The following HECW2 variants were observed in gnomAD, a reference collection of about 807,000 sequenced individuals.
HECW2 encodes HECT, C2 and WW domain containing E3 ubiquitin protein ligase 2.
A neutral mutation model predicts 175.2 loss-of-function variants in HECW2; 61 were observed. That is an observed-to-expected ratio of 0.35 (90% CI 0.28 to 0.43). HECW2 has a LOEUF of 0.43. HECW2 is among the 20% of genes least tolerant of loss of function. HECW2 has a pLI of 1.00. For missense variants in HECW2, 1,524 were observed against 2,000.5 expected, an observed-to-expected ratio of 0.76 and a Z score of 4.54; for synonymous variants, 671 against 731.0, an observed-to-expected ratio of 0.92 and a Z score of 1.32.
chr2:196,412,304 C>T (rs1334004623), intron 2 of HECW2, among the ~76,000 whole-genome samples: 1 of 152,186 alleles, frequency 6.6e-6, no homozygotes, highest in Non-Finnish European at 1.5e-5. Context: ...GTCTTCATGT[C>T]ACATGCTGCT....
Position 196,402,150 on chromosome 2 carries a change from G to A in HECW2, c.292+30982C>T, listed in dbSNP as rs539460323. On this transcript the variant is annotated intron_variant, in intron 2 of 28. Coordinates refer to ENST00000644978, the MANE Select transcript of HECW2 (RefSeq NM_001348768.2). ...TGGGAGGCGGAGCTTGCAGTGAGCC[G>A]AGATGGCACCACTGCACTCCTGCCT... 6.4e-5 allele frequency among the ~76,000 whole-genome samples: 8 copies of A among 125,958 alleles called. No homozygotes were observed. In the East Asian group the frequency reaches 8.2e-4, roughly 13 times the overall value. The allele number at this position is 125,958 out of a possible 152,430, so 82.6% of individuals were successfully genotyped here.
rs1484992981 is a variant in HECW2 at position 196,194,630 on chromosome 2, T to A, written c.*6647A>T. 1 of 152,094 alleles carries A rather than the reference T, an allele frequency of 6.6e-6. No homozygotes were observed. Among genetic ancestry groups the A allele is most frequent in the East Asian group, 1.9e-4 (1 of 5,186 alleles). 9.4% of individuals were successfully genotyped at this position (152,094 alleles called of 1,614,324 possible). A position where few individuals can be genotyped will look rare whatever the true frequency, so the allele number is the denominator to read the frequency against. On this transcript the variant is annotated 3_prime_UTR_variant, in exon 29 of 29. Coordinates refer to ENST00000644978, the MANE Select transcript of HECW2 (RefSeq NM_001348768.2). The stretch of plus-strand genomic sequence containing the variant: ...CCATATAATACCACCCAGAAACCAT[T>A]TCTAGGATGTCAACAATCTGCATTA...
chr2:196,306,529 G>T lies in HECW2; in HGVS notation c.2773C>A (p.Leu925Ile). 1.2e-6 allele frequency: 2 copies of T among 1,612,378 alleles called. No individual in the cohort carries two copies. The highest frequency in any genetic ancestry group is 2.2e-5 in the South Asian group (2 of 90,774). ...ACGGTGAAGAACTCTGGGCTGATGA[G>T]GAACTTCACGGGGGGAGACTGTAAC... ...LLLQSPPVKF[L>I]ISPEFFTVLH... Residue 925 changes from leucine to isoleucine, a missense_variant, in exon 13 of 29, where the codon CTC (leucine) becomes ATC (isoleucine). Transcript: ENST00000644978.
At chr2:196,565,979 C>T (rs1326507714) in intron 1 of HECW2, among the ~76,000 whole-genome samples, 2 of 151,954 alleles carry the variant, frequency 1.3e-5, no homozygotes, top group Admixed American at 6.6e-5. Flanking sequence ...AAAACTTTAT[C>T]GTTTGTTTCC....
chr2:196,421,045 A>G (rs1163050309), intron 2 of HECW2, among the ~76,000 whole-genome samples: 3 of 152,150 alleles, frequency 2.0e-5, no homozygotes, highest in African/African-American at 7.2e-5. Context: ...AATTGAAAGG[A>G]TAAACTTTTA....
chr2:196,440,749 G>C (rs549484809), intron 1 of HECW2, among the ~76,000 whole-genome samples: 1 of 152,088 alleles, frequency 6.6e-6, no homozygotes, highest in African/African-American at 2.4e-5. Flanking sequence ...TAAAGGCGAC[G>C]GCAAGGGAAG....
intron 2 of HECW2, among the ~76,000 whole-genome samples, chr2:196,344,322 G>GAAAAAAAAAAAAAAA (rs60573890): frequency 7.4e-5 from 5 of 67,628 alleles, no homozygotes; most frequent in Non-Finnish European, 1.0e-4. Flanking sequence ...GACAAGATAA[G>GAAAAAAAAAAAAAAA]AAAAAAAAAA....
Position 196,547,143 on chromosome 2 carries a change from G to A in HECW2, c.-36+46365C>T, listed in dbSNP as rs73051102. Among the ~76,000 whole-genome samples the A allele has an allele frequency of 4.6e-3, 707 of 152,294 alleles. 7 individuals carry two copies. Among genetic ancestry groups the A allele is most frequent in the African/African-American group, 0.016 (677 of 41,556 alleles). Reference sequence around the variant, plus strand: ...GCTGAGGTTCTCAGTTATCAAAATGGATATCAGAAATGTAGAAATGGGTTT... The same window carrying A: ...GCTGAGGTTCTCAGTTATCAAAATGAATATCAGAAATGTAGAAATGGGTTT... On this transcript the variant is annotated intron_variant, in intron 1 of 28. Transcript: ENST00000644978.
intron 2 of HECW2, among the ~76,000 whole-genome samples, chr2:196,429,920 C>T (rs559513039): frequency 6.6e-6 from 1 of 152,228 alleles, no homozygotes; most frequent in South Asian, 2.1e-4. Context: ...AAAGAAATGA[C>T]CAAGGCTTTA....
At chr2:196,450,137 T>A (rs1306277546) in intron 1 of HECW2, among the ~76,000 whole-genome samples, 2 of 152,196 alleles carry the variant, frequency 1.3e-5, no homozygotes, top group Non-Finnish European at 2.9e-5. Context: ...TCCAAAACTT[T>A]GCCCTTTTTG....
intron 26 of HECW2, among the ~76,000 whole-genome samples, chr2:196,219,316 T>C (rs75445972): frequency 0.039 from 5,942 of 152,306 alleles, 353 homozygotes; most frequent in African/African-American, 0.13. Context: ...TGCTTAAAAT[T>C]ATTTAATAAA....
intron 1 of HECW2, among the ~76,000 whole-genome samples, chr2:196,543,634 A>T: frequency 6.6e-6 from 1 of 151,396 alleles, no homozygotes; most frequent in Admixed American, 6.6e-5. Context: ...TTCTTTTGAG[A>T]TGGAGTCTCG....
rs527606313 is a variant in HECW2 at position 196,536,608 on chromosome 2, C to T, written c.-36+56900G>A. Among the ~76,000 whole-genome samples the T allele has an allele frequency of 2.0e-5, 3 of 152,242 alleles. No individual in the cohort carries two copies. The East Asian group carries it at 5.8e-4, about 29-fold the overall frequency. Reference sequence around the variant, plus strand: ...AACCACTAGAGTCTGCCATTTTGTTCCCAGACCCCCTCCAAGGACTAATCT... The same window carrying T: ...AACCACTAGAGTCTGCCATTTTGTTTCCAGACCCCCTCCAAGGACTAATCT... On this transcript the variant is annotated intron_variant, in intron 1 of 28. Coordinates refer to ENST00000644978, the MANE Select transcript of HECW2 (RefSeq NM_001348768.2).
intron 18 of HECW2, among the ~76,000 whole-genome samples, chr2:196,255,422 G>C (rs1025597692): frequency 6.6e-6 from 1 of 151,790 alleles, no homozygotes; most frequent in African/African-American, 2.4e-5. Flanking sequence ...ATCATTTCTT[G>C]TATGAGCTCT....
chr2:196,228,332 T>A, intron 21 of HECW2, 78 bp from the exon 22 acceptor site: 1 of 1,310,240 alleles, frequency 7.6e-7, no homozygotes, highest in South Asian at 1.4e-5. Context: ...AGAGCTCAAG[T>A]TTCCATAGGA....
intron 2 of HECW2, among the ~76,000 whole-genome samples, chr2:196,396,828 A>AC (rs148015627): frequency 8.0e-5 from 12 of 150,888 alleles, no homozygotes; most frequent in African/African-American, 2.9e-4. Context: ...TAAAAAAAAA[A>AC]TGGCCGGGTG....
At chr2:196,280,394 T>C (rs887182401) in intron 14 of HECW2, among the ~76,000 whole-genome samples, 1 of 152,222 alleles carries the variant, frequency 6.6e-6, no homozygotes, top group Non-Finnish European at 1.5e-5. Flanking sequence ...GAATGTTTCA[T>C]ATGGAACTCT....
intron 1 of HECW2, among the ~76,000 whole-genome samples, chr2:196,511,153 A>G (rs1350548281): frequency 1.3e-5 from 2 of 152,236 alleles, no homozygotes; most frequent in Non-Finnish European, 2.9e-5. Flanking sequence ...TTTAGCAAAG[A>G]GAGGGTTTCA....
intron 2 of HECW2, among the ~76,000 whole-genome samples, chr2:196,353,990 T>C (rs1010988601): frequency 4.6e-5 from 7 of 152,118 alleles, no homozygotes; most frequent in African/African-American, 1.4e-4. Flanking sequence ...ATGACCTCAT[T>C]CTTCTTGGAT....
Sources: gnomAD v4.1 joint callset for allele counts (sites outside exome capture counted in the v4.1 genomes callset) on GRCh38, gnomAD v4.1.1 for gene constraint, MANE v1.5 for transcripts, NCBI Gene and HGNC (gene_info 2026-07-23, HGNC 2026-07-21) for gene names.